The following LRBA variants were observed in gnomAD, a reference collection of about 807,000 sequenced individuals.
LRBA encodes the protein lipopolysaccharide-responsive and beige-like anchor protein.
LRBA carries 176 observed loss-of-function variants against 330.0 expected under a neutral mutation model. The ratio of observed to expected loss-of-function variants is 0.53; its 90% confidence interval spans 0.47 to 0.60. The LOEUF (loss-of-function observed/expected upper bound fraction) is 0.60, where lower values mean the gene tolerates loss of function less well. Among genes scored for constraint, LRBA ranks in the 20% least tolerant of loss-of-function variants. The probability of loss-of-function intolerance (pLI) is 0.00; values close to 1 mark genes in which losing one functional copy is unlikely to be tolerated. For missense variants in LRBA, 3,259 were observed against 3,444.8 expected, an observed-to-expected ratio of 0.95 and a Z score of 1.35; for synonymous variants, 1,230 against 1,193.0, an observed-to-expected ratio of 1.03 and a Z score of -0.64.
intron 38 of LRBA, among the ~76,000 whole-genome samples, chr4:150,591,154 G>A (rs1220310170): frequency 6.6e-6 from 1 of 152,098 alleles, no homozygotes; most frequent in Admixed American, 6.5e-5. Flanking sequence ...TTCAAAAGCA[G>A]TACTTTTATT....
At chr4:151,008,906 G>A (rs1206573110) in intron 2 of LRBA, among the ~76,000 whole-genome samples, 2 of 137,940 alleles carry the variant, frequency 1.4e-5, no homozygotes, top group Non-Finnish European at 3.0e-5. Flanking sequence ...GGAGGCGGAG[G>A]TTGCAGTGAG....
chr4:150,325,266 C>G (rs2056457), intron 49 of LRBA, among the ~76,000 whole-genome samples: 26,469 of 152,126 alleles, frequency 0.17, 2,776 homozygotes, highest in East Asian at 0.26. Context: ...AGATTTTCAT[C>G]TAACCCTCAG....
chr4:150,849,373 A>T (rs374041774), intron 25 of LRBA, 49 bp downstream of exon 25: 1 of 1,562,404 alleles, frequency 6.4e-7, no homozygotes, highest in Admixed American at 1.7e-5. Flanking sequence ...ATAAAGTTGC[A>T]TAACACTCAT....
rs1745060463 is a variant in LRBA, at chr4:150,264,473, A to ATGG, written c.*1248_*1249insCCA. Reference sequence around the variant, plus strand: ...TTCTTTGTGAATCATTATTTTATTAATGATGTTTAAAATTTAGGAGCAAAA... The same window carrying ATGG: ...TTCTTTGTGAATCATTATTTTATTAATGGTGATGTTTAAAATTTAGGAGCAAAA... On this transcript the variant is annotated 3_prime_UTR_variant, in exon 57 of 57. Transcript: ENST00000651943. The ATGG allele has an allele frequency of 3.7e-5, 1 of 27,338 alleles. No individual in the cohort carries two copies. The highest frequency in any genetic ancestry group is 1.2e-4 in the Non-Finnish European group (1 of 8,398). The allele number at this position is 27,338 out of a possible 1,614,324, so 1.7% of individuals were successfully genotyped here.
At chr4:150,498,983 T>G (rs543429884) in intron 40 of LRBA, among the ~76,000 whole-genome samples, 3 of 152,296 alleles carry the variant, frequency 2.0e-5, no homozygotes, top group Middle Eastern at 6.8e-3. Flanking sequence ...AATACCCTTC[T>G]ATTTTATAAG....
At chr4:150,422,814 T>C in intron 46 of LRBA, 1 of 1,467,748 alleles carries the variant, frequency 6.8e-7, no homozygotes, top group East Asian at 2.3e-5. Context: ...CGGTTTGCCC[T>C]GGAACTTGCC....
At position 150,689,932 on chromosome 4, in the gene LRBA, A is replaced by T. The variant is rs188890391; in HGVS notation, c.5755-6215T>A. 4.4e-3 allele frequency among the ~76,000 whole-genome samples: 667 copies of T among 152,204 alleles called. 7 individuals carry two copies. The highest frequency in any genetic ancestry group is 0.015 in the African/African-American group (636 of 41,518). ...AGAGCCAAAAAGAAGAAGAAATAAT[A>T]ATGAAAAAAAAATTTACAACAGCAT... On this transcript the variant is annotated intron_variant, in intron 36 of 56. Coordinates refer to ENST00000651943, the MANE Select transcript of LRBA (RefSeq NM_001364905.1).
intron 35 of LRBA, among the ~76,000 whole-genome samples, chr4:150,756,629 A>G (rs894884582): frequency 6.6e-6 from 1 of 152,216 alleles, no homozygotes; most frequent in African/African-American, 2.4e-5. Context: ...TAACTAAGAT[A>G]AAGACAAATC....
chr4:150,778,179 T>A (rs1173630894), intron 34 of LRBA, among the ~76,000 whole-genome samples: 1 of 152,132 alleles, frequency 6.6e-6, no homozygotes, highest in Non-Finnish European at 1.5e-5. Context: ...AAAGATTTTA[T>A]TCTATTGTGT....
intron 47 of LRBA, among the ~76,000 whole-genome samples, chr4:150,373,049 T>C (rs1365303133): frequency 6.6e-6 from 1 of 151,432 alleles, no homozygotes; most frequent in Non-Finnish European, 1.5e-5. Flanking sequence ...TGCGAGACAT[T>C]TTGGAAGCAG....
At chr4:150,997,644 G>A (rs529313605) in intron 2 of LRBA, among the ~76,000 whole-genome samples, 54 of 151,920 alleles carry the variant, frequency 3.6e-4, no homozygotes, top group Admixed American at 9.2e-4. Flanking sequence ...AGTGTGTAGC[G>A]GTTGGGGAAA....
At chr4:150,961,888 A>C (rs990752498) in intron 2 of LRBA, among the ~76,000 whole-genome samples, 1 of 149,378 alleles carries the variant, frequency 6.7e-6, no homozygotes, top group Admixed American at 6.6e-5. Flanking sequence ...TAAGAATCTT[A>C]TGTATATTAA....
intron 47 of LRBA, among the ~76,000 whole-genome samples, chr4:150,350,623 T>C (rs1035286612): frequency 6.6e-6 from 1 of 151,906 alleles, no homozygotes; most frequent in Non-Finnish European, 1.5e-5. Context: ...CCAGAATCTG[T>C]CCTCCTTGGT....
intron 42 of LRBA, among the ~76,000 whole-genome samples, chr4:150,482,852 T>C (rs1322963743): frequency 6.6e-6 from 1 of 152,068 alleles, no homozygotes; most frequent in African/African-American, 2.4e-5. Context: ...GTTCAAAACT[T>C]ACATTTTTTT....
chr4:150,269,462 C>T (rs1335659831), intron 56 of LRBA, among the ~76,000 whole-genome samples: 2 of 152,120 alleles, frequency 1.3e-5, no homozygotes, highest in African/African-American at 2.4e-5. Flanking sequence ...CTCTTACCTA[C>T]CATTATATTA....
intron 52 of LRBA, among the ~76,000 whole-genome samples, chr4:150,303,150 T>G (rs1729892094): frequency 6.6e-6 from 1 of 152,212 alleles, no homozygotes; most frequent in South Asian, 2.1e-4. Context: ...AACACTTTCT[T>G]GAGTTACTCT....
At chr4:150,502,790 T>C (rs1188204424) in intron 40 of LRBA, among the ~76,000 whole-genome samples, 1 of 152,188 alleles carries the variant, frequency 6.6e-6, no homozygotes, top group Non-Finnish European at 1.5e-5. Context: ...GGTCAGGGAA[T>C]TCCCTTTCCT....
Position 150,852,853 on chromosome 4 carries a change from T to C in LRBA, c.2857A>G (p.Thr953Ala). 6.2e-7 allele frequency: 1 copy of C among 1,613,732 alleles called. No homozygotes were observed. ...VDEEIGLCSSTSVQAASGIRR... is the reference protein window; with the variant it reads ...VDEEIGLCSSASVQAASGIRR... ...ATGCCAGAGGCTGCTTGAACTGAAG[T>C]TGAAGAACACAGCCCTATTTCTTCA... is the stretch of plus-strand genomic sequence containing the variant. Residue 953 changes from threonine (T) to alanine (A), a missense_variant, in exon 23 of 57, where the codon ACT (threonine) becomes GCT (alanine). Physicochemically the swap from Thr to Ala is moderately conservative, Grantham distance 58 (BLOSUM62 0). Coordinates refer to ENST00000651943, the MANE Select transcript of LRBA (RefSeq NM_001364905.1).
At chr4:150,414,739 C>T (rs1035986945) in intron 47 of LRBA, among the ~76,000 whole-genome samples, 4 of 152,192 alleles carry the variant, frequency 2.6e-5, no homozygotes, top group African/African-American at 9.7e-5. Flanking sequence ...AATCCACCCA[C>T]CTTGGCCTCC....
Sources: gnomAD v4.1 joint callset for allele counts (sites outside exome capture counted in the v4.1 genomes callset) on GRCh38, gnomAD v4.1.1 for gene constraint, MANE v1.5 for transcripts, NCBI Gene and HGNC (gene_info 2026-07-23, HGNC 2026-07-21) for gene names.